The following SYT17 variants were observed in gnomAD, a reference collection of about 807,000 sequenced individuals.
The protein encoded by SYT17 is synaptotagmin-17.
A neutral mutation model predicts 46.7 loss-of-function variants in SYT17; 22 were observed. The ratio of observed to expected loss-of-function variants is 0.47; its 90% CI spans 0.34 to 0.67. The LOEUF (loss-of-function observed/expected upper bound fraction) is 0.67. Ranked by LOEUF, SYT17 falls within the 30% of genes least tolerant of loss-of-function variation. The probability of loss-of-function intolerance (pLI) is 0.01; values close to 1 mark genes in which losing one functional copy is unlikely to be tolerated. For missense variants in SYT17, 519 were observed against 612.8 expected (o/e 0.85, Z 1.62); for synonymous variants, 251 against 248.4 (o/e 1.01, Z -0.10).
At chr16:19,189,792 G>C (rs1964941810) in intron 5 of SYT17, among the ~76,000 whole-genome samples, 1 of 152,206 alleles carries the variant, frequency 6.6e-6, no homozygotes. Flanking sequence ...CTATTCTAAT[G>C]GTGTGTGGAG....
At chr16:19,231,296 C>T (rs1340446116) in intron 7 of SYT17, among the ~76,000 whole-genome samples, 1 of 152,082 alleles carries the variant, frequency 6.6e-6, no homozygotes, top group Non-Finnish European at 1.5e-5. Context: ...GTATGCTGGG[C>T]ACAGTGGCTC....
intron 5 of SYT17, among the ~76,000 whole-genome samples, chr16:19,209,631 G>C (rs2142787692): frequency 6.6e-6 from 1 of 152,162 alleles, no homozygotes; most frequent in Admixed American, 6.5e-5. Flanking sequence ...AGCACTTTGG[G>C]AGACCGAGGT....
intron 5 of SYT17, among the ~76,000 whole-genome samples, chr16:19,209,916 A>G (rs1405384730): frequency 1.3e-5 from 2 of 151,894 alleles, no homozygotes; most frequent in African/African-American, 2.4e-5. Context: ...CAACAACAAC[A>G]ACAAAAAACC....
intron 7 of SYT17, among the ~76,000 whole-genome samples, chr16:19,232,061 C>T (rs948336039): frequency 1.3e-5 from 2 of 152,118 alleles, no homozygotes; most frequent in East Asian, 1.9e-4. Flanking sequence ...GTCGGCCGGG[C>T]TCCCGCCCCG....
Position 19,168,554 on chromosome 16 carries a change from C to A in SYT17, c.-93C>A. 1.3e-6 allele frequency: 2 copies of A among 1,524,508 alleles called. No individual in the cohort carries two copies. Among genetic ancestry groups the A allele is most frequent in the African/African-American group, 1.4e-5 (1 of 71,018 alleles). The allele number at this position is 1,524,508 out of a possible 1,614,324, so 94.4% of individuals were successfully genotyped here. On this transcript the variant is annotated 5_prime_UTR_variant, in exon 1 of 8. Coordinates refer to ENST00000355377, the MANE Select transcript of SYT17 (RefSeq NM_016524.4). The surrounding 1 kb of genome is among the most constrained non-coding windows in gnomAD (Gnocchi z 6.9). ...CCACCGGCTGCCTTTTTCTTCCTTT[C>A]CCCCTTTGCTTTCTTCCCCCTCCGC...
chr16:19,240,481 G>T (rs143391487), intron 7 of SYT17, among the ~76,000 whole-genome samples: 1 of 151,854 alleles, frequency 6.6e-6, no homozygotes, highest in Non-Finnish European at 1.5e-5. Context: ...TCTACCCATC[G>T]TCTCTCTGTT....
chr16:19,180,171 T>G, intron 3 of SYT17: 1 of 536,518 alleles, frequency 1.9e-6, no homozygotes, highest in South Asian at 2.3e-5. Context: ...GACAGATTGT[T>G]CTAAATTGGG....
chr16:19,181,481 A>AG (rs992979720), intron 4 of SYT17, among the ~76,000 whole-genome samples: 45 of 151,668 alleles, frequency 3.0e-4, no homozygotes, highest in African/African-American at 1.1e-3. Context: ...AGTAGAAAAA[A>AG]AAAGAGTTCA....
intron 2 of SYT17, 134 bp downstream of exon 2, chr16:19,172,911 C>T: frequency 1.8e-6 from 2 of 1,134,750 alleles, no homozygotes; most frequent in Non-Finnish European, 2.5e-6. Context: ...GGCACAGTTT[C>T]CATTCCTTTC....
At chr16:19,181,286 A>G (rs1358733622) in intron 4 of SYT17, among the ~76,000 whole-genome samples, 1 of 152,150 alleles carries the variant, frequency 6.6e-6, no homozygotes, top group Non-Finnish European at 1.5e-5. Flanking sequence ...GTGAGGAGGA[A>G]AAAGGAGGAC....
Position 19,174,309 on chromosome 16 carries a change from G to A in SYT17, c.182+731G>A, listed in dbSNP as rs1272914664. On this transcript the variant is annotated intron_variant, in intron 3 of 7. Transcript: ENST00000355377. ...GGTCCACCTCTCCGTGACTGAGAGA[G>A]GGACGTGGTCAGAGAGCCTGGGTAC... Among the ~76,000 whole-genome samples the A allele has an allele frequency of 2.6e-5, 4 of 152,336 alleles. No homozygotes were observed. In the South Asian group the frequency reaches 8.3e-4, roughly 32 times the overall value.
chr16:19,249,260 C>T (rs997250117), intron 7 of SYT17, among the ~76,000 whole-genome samples: 6 of 109,652 alleles, frequency 5.5e-5, no homozygotes, highest in East Asian at 6.1e-4. Context: ...GGCGACAGAG[C>T]GAGACGCCGT....
At chr16:19,211,660 G>A (rs1396492523) in intron 5 of SYT17, among the ~76,000 whole-genome samples, 2 of 150,432 alleles carry the variant, frequency 1.3e-5, no homozygotes, top group Admixed American at 1.3e-4. Context: ...TCGCTCTGTC[G>A]CCGAGGCTGG....
chr16:19,213,538 C>T (rs1187177340), intron 5 of SYT17, among the ~76,000 whole-genome samples: 1 of 152,190 alleles, frequency 6.6e-6, no homozygotes, highest in East Asian at 1.9e-4. Context: ...GAACAAAGAA[C>T]AAGGAAACTA....
chr16:19,222,469 A>G (rs577052359), intron 5 of SYT17, among the ~76,000 whole-genome samples: 16 of 152,254 alleles, frequency 1.1e-4, no homozygotes, highest in Non-Finnish European at 2.2e-4. Flanking sequence ...GAGTGTTGCT[A>G]TCGTGAGGTT....
intron 5 of SYT17, among the ~76,000 whole-genome samples, chr16:19,201,523 G>T (rs1965463125): frequency 6.6e-6 from 1 of 152,014 alleles, no homozygotes; most frequent in Non-Finnish European, 1.5e-5. Context: ...GGGAAGGGAG[G>T]AGTGCTAAAC....
chr16:19,201,229 G>A (rs1192615181), intron 5 of SYT17, among the ~76,000 whole-genome samples: 2 of 152,170 alleles, frequency 1.3e-5, no homozygotes, highest in East Asian at 1.9e-4. Flanking sequence ...CTTGCCTCCC[G>A]AGATTTGTGT....
chr16:19,253,803 C>G (rs1968364894), intron 7 of SYT17, among the ~76,000 whole-genome samples: 1 of 152,164 alleles, frequency 6.6e-6, no homozygotes, highest in South Asian at 2.1e-4. Flanking sequence ...TCTCGGCTCA[C>G]TGTAACCTCT....
chr16:19,194,628 C>T (rs1165232753), intron 5 of SYT17, among the ~76,000 whole-genome samples: 8 of 152,170 alleles, frequency 5.3e-5, no homozygotes, highest in Admixed American at 1.3e-4. Context: ...CAGGGTCTCA[C>T]GCTGTCACTG....
Sources: allele counts gnomAD v4.1 joint callset (sites outside exome capture counted in the v4.1 genomes callset), GRCh38; gene constraint gnomAD v4.1.1; non-coding constraint Gnocchi (gnomAD v3.1); transcripts MANE v1.5; gene names NCBI Gene and HGNC (gene_info 2026-07-23, HGNC 2026-07-21).